The following PTPRM variants were observed in gnomAD, a reference collection of about 807,000 sequenced individuals.
PTPRM encodes protein tyrosine phosphatase receptor type M.
In PTPRM, 47 loss-of-function variants were observed where a neutral mutation model predicts 186.7. That is an observed-to-expected ratio of 0.25 (90% CI 0.20 to 0.32). The LOEUF is 0.32. Ranked by LOEUF, PTPRM falls within the 10% of genes least tolerant of loss-of-function variation. PTPRM has a pLI of 1.00. For synonymous variants in PTPRM, 668 were observed against 674.9 expected (o/e 0.99, Z 0.16); for missense variants, 1,494 against 1,865.0 (o/e 0.80, Z 3.66).
chr18:8,263,808 A>G (rs1274008852), intron 19 of PTPRM, among the ~76,000 whole-genome samples: 1 of 152,214 alleles, frequency 6.6e-6, no homozygotes, highest in East Asian at 1.9e-4. Context: ...CACAGAGGGC[A>G]TGGAAGCTTG....
chr18:8,004,062 G>A (rs528834952), intron 7 of PTPRM, among the ~76,000 whole-genome samples: 86 of 152,278 alleles, frequency 5.6e-4, no homozygotes, highest in Non-Finnish European at 1.1e-3. Context: ...TGCTTCCTTT[G>A]TGGACTGACC....
intron 1 of PTPRM, among the ~76,000 whole-genome samples, chr18:7,695,358 G>A (rs974294427): frequency 6.6e-6 from 1 of 152,120 alleles, no homozygotes; most frequent in African/African-American, 2.4e-5. Flanking sequence ...GGGTTTCTTC[G>A]AGTCACTAGA....
intron 9 of PTPRM, among the ~76,000 whole-genome samples, chr18:8,083,572 T>G (rs535466361): frequency 7.2e-5 from 11 of 152,270 alleles, no homozygotes; most frequent in African/African-American, 2.6e-4. Context: ...GTTTCTTCCA[T>G]GGAACTTGGT....
chr18:7,965,202 CG>C (rs746163247), intron 7 of PTPRM, among the ~76,000 whole-genome samples: 1 of 152,088 alleles, frequency 6.6e-6, no homozygotes, highest in Non-Finnish European at 1.5e-5. Context: ...CGCGCCACCA[CG>C]CCCAGCTAAT....
chr18:8,183,987 T>C (rs2093611224), intron 14 of PTPRM, among the ~76,000 whole-genome samples: 1 of 152,160 alleles, frequency 6.6e-6, no homozygotes, highest in South Asian at 2.1e-4. Context: ...TCTATCCCTG[T>C]CTTTATGCTG....
At chr18:8,371,802 G>T (rs1176358096) in intron 24 of PTPRM, 4 of 152,614 alleles carry the variant, frequency 2.6e-5, no homozygotes, top group Non-Finnish European at 5.9e-5. Context: ...ATCCAGAGAA[G>T]TGTCACAGGT....
At chr18:7,604,335 G>T (rs2037478063) in intron 1 of PTPRM, among the ~76,000 whole-genome samples, 1 of 152,340 alleles carries the variant, frequency 6.6e-6, no homozygotes, top group South Asian at 2.1e-4. Context: ...GGAGGTTCGT[G>T]ACCAGTTTGG....
intron 7 of PTPRM, among the ~76,000 whole-genome samples, chr18:7,999,239 C>T (rs906775680): frequency 6.6e-6 from 1 of 152,104 alleles, no homozygotes; most frequent in African/African-American, 2.4e-5. Flanking sequence ...ACCAAGGTAC[C>T]TGGAGAAAAC....
At chr18:8,311,620 A>G (rs2095269350) in intron 20 of PTPRM, among the ~76,000 whole-genome samples, 1 of 152,180 alleles carries the variant, frequency 6.6e-6, no homozygotes, top group Non-Finnish European at 1.5e-5. Flanking sequence ...AAAAGATACT[A>G]CCATGTATAT....
intron 2 of PTPRM, among the ~76,000 whole-genome samples, chr18:7,857,497 A>C (rs1166797041): frequency 1.3e-5 from 2 of 152,112 alleles, no homozygotes; most frequent in Non-Finnish European, 2.9e-5. Flanking sequence ...TATTGCAACA[A>C]ATGCATGATG....
At chr18:7,818,892 C>T (rs1021828399) in intron 2 of PTPRM, among the ~76,000 whole-genome samples, 1 of 152,252 alleles carries the variant, frequency 6.6e-6, no homozygotes, top group East Asian at 1.9e-4. Context: ...TACAATGTGT[C>T]GTGAGAGTAC....
intron 1 of PTPRM, among the ~76,000 whole-genome samples, chr18:7,701,270 C>T (rs547362019): frequency 3.3e-4 from 47 of 144,388 alleles, no homozygotes; most frequent in Admixed American, 2.5e-3. Flanking sequence ...CACCACTGCA[C>T]GCCAACTGGG....
chr18:8,382,203 C>T (rs1421773015), intron 29 of PTPRM, among the ~76,000 whole-genome samples: 3 of 152,118 alleles, frequency 2.0e-5, no homozygotes, highest in South Asian at 2.1e-4. Flanking sequence ...GGTTCACGGA[C>T]GTGTTATGCA....
chr18:7,880,676 G>C (rs567201403), intron 2 of PTPRM, among the ~76,000 whole-genome samples: 1 of 152,252 alleles, frequency 6.6e-6, no homozygotes, highest in Non-Finnish European at 1.5e-5. Flanking sequence ...TTTGAGCTTT[G>C]CTCCCGTAGT....
rs1009559955 is a variant in PTPRM, at chr18:7,893,747, C to T, written c.468+5370C>T. Among the ~76,000 whole-genome samples the T allele has an allele frequency of 5.3e-5, 8 of 152,244 alleles. No homozygotes were observed. The East Asian group carries it at 1.4e-3, about 26-fold the overall frequency. On this transcript the variant is annotated intron_variant, in intron 3 of 32. Transcript: ENST00000580170. Reference sequence around the variant, plus strand: ...GGCAGTAAACAAATTGAAATCATTGCCCTAATAGCAATATAAACTATTAGG... The same window carrying T: ...GGCAGTAAACAAATTGAAATCATTGTCCTAATAGCAATATAAACTATTAGG...
chr18:8,015,993 C>A (rs979411385), intron 7 of PTPRM, among the ~76,000 whole-genome samples: 1 of 152,100 alleles, frequency 6.6e-6, no homozygotes, highest in East Asian at 1.9e-4. Context: ...GAAGTGTAGT[C>A]TTTTAACTAG....
At chr18:7,867,269 G>C (rs748462930) in intron 2 of PTPRM, among the ~76,000 whole-genome samples, 17 of 152,066 alleles carry the variant, frequency 1.1e-4, no homozygotes. Flanking sequence ...TTGCCTGTTA[G>C]TTAATGCAAT....
intron 1 of PTPRM, among the ~76,000 whole-genome samples, chr18:7,711,823 G>C (rs1197269590): frequency 2.6e-5 from 4 of 152,160 alleles, no homozygotes; most frequent in Non-Finnish European, 5.9e-5. Flanking sequence ...AAAAAAGGCA[G>C]CAGACCCAGT....
intron 1 of PTPRM, among the ~76,000 whole-genome samples, chr18:7,610,310 T>C (rs1398115027): frequency 2.6e-5 from 4 of 152,220 alleles, no homozygotes; most frequent in African/African-American, 9.6e-5. Context: ...CACGTAATTT[T>C]TAAACTTTAA....
Sources: allele counts gnomAD v4.1 joint callset (sites outside exome capture counted in the v4.1 genomes callset), GRCh38; gene constraint gnomAD v4.1.1; transcripts MANE v1.5; gene names NCBI Gene and HGNC (gene_info 2026-07-23, HGNC 2026-07-21).